Variants in AMPH observed in about 807,000 individuals in gnomAD.
AMPH encodes amphiphysin.
AMPH carries 49 observed loss-of-function variants against 99.1 expected under a neutral mutation model. That is an observed-to-expected ratio of 0.49 (90% confidence interval 0.39 to 0.63). AMPH has a LOEUF of 0.63. Ranked by LOEUF, AMPH falls within the 20% of genes least tolerant of loss-of-function variation. The pLI is 0.00. For missense variants in AMPH, 759 were observed against 863.4 expected (o/e 0.88, Z 1.52); for synonymous variants, 314 against 317.3 (o/e 0.99, Z 0.11).
At chr7:38,528,525 T>G (rs1263048762) in intron 2 of AMPH, among the ~76,000 whole-genome samples, 2 of 152,186 alleles carry the variant, frequency 1.3e-5, no homozygotes, top group African/African-American at 4.8e-5. Context: ...ATAAAGTTGC[T>G]TGTATTATTC....
intron 1 of AMPH, among the ~76,000 whole-genome samples, chr7:38,578,271 G>A (rs1021037331): frequency 1.3e-5 from 2 of 152,144 alleles, no homozygotes; most frequent in East Asian, 3.9e-4. Context: ...TCCCCAAACA[G>A]CAGGTGCTAA....
At chr7:38,629,631 C>T (rs1227669795) in intron 1 of AMPH, among the ~76,000 whole-genome samples, 1 of 152,176 alleles carries the variant, frequency 6.6e-6, no homozygotes, top group African/African-American at 2.4e-5. Context: ...GACCATATCA[C>T]TAAATTCCTT....
At chr7:38,402,044 G>A (rs989565665) in intron 17 of AMPH, among the ~76,000 whole-genome samples, 1 of 152,072 alleles carries the variant, frequency 6.6e-6, no homozygotes, top group African/African-American at 2.4e-5. Context: ...TCACTAAATC[G>A]ATTCTCTATA....
At chr7:38,506,953 C>T (rs1789350272) in intron 2 of AMPH, among the ~76,000 whole-genome samples, 1 of 152,146 alleles carries the variant, frequency 6.6e-6, no homozygotes, top group South Asian at 2.1e-4. Flanking sequence ...AGGATGTGTT[C>T]CCTCAGTTAT....
chr7:38,559,197 C>G (rs1412385437), intron 1 of AMPH, among the ~76,000 whole-genome samples: 1 of 152,210 alleles, frequency 6.6e-6, no homozygotes, highest in Non-Finnish European at 1.5e-5. Flanking sequence ...ACCCAGCAGG[C>G]CCACTACTGA....
intron 17 of AMPH, among the ~76,000 whole-genome samples, chr7:38,405,159 T>C (rs1299867999): frequency 2.6e-5 from 4 of 151,924 alleles, no homozygotes; most frequent in East Asian, 1.9e-4. Flanking sequence ...GACAAACAAA[T>C]GTTAAAAGAA....
At chr7:38,476,801 G>T in intron 6 of AMPH, 61 bp downstream of exon 6, 1 of 1,278,650 alleles carries the variant, frequency 7.8e-7, no homozygotes. Flanking sequence ...ATTTTAAAAA[G>T]TAAAGCTGCA....
intron 1 of AMPH, among the ~76,000 whole-genome samples, chr7:38,606,143 T>A (rs925494794): frequency 6.6e-5 from 10 of 152,186 alleles, no homozygotes; most frequent in African/African-American, 1.9e-4. Flanking sequence ...CCAGTCCCCA[T>A]GCTTTAGGTT....
chr7:38,500,994 A>G lies in AMPH; in HGVS notation c.205+2656T>C, dbSNP rs193183021. On this transcript the variant is annotated intron_variant, in intron 3 of 20. Transcript: ENST00000356264. Reference sequence around the variant, plus strand: ...GAAAAAGTAATAGTAGTAGGTTGCCATTATTCCATTGTATAGATGAACTCT... The same window carrying G: ...GAAAAAGTAATAGTAGTAGGTTGCCGTTATTCCATTGTATAGATGAACTCT... Among the ~76,000 whole-genome samples the G allele has an allele frequency of 1.9e-4, 29 of 152,326 alleles. No individual in the cohort carries two copies. In the East Asian group the frequency reaches 5.0e-3, roughly 26 times the overall value.
At chr7:38,525,443 TGC>T (rs1790146097) in intron 2 of AMPH, among the ~76,000 whole-genome samples, 1 of 130,838 alleles carries the variant, frequency 7.6e-6, no homozygotes, top group African/African-American at 3.1e-5. Flanking sequence ...TACTCATTTG[TGC>T]GTGTGTGTGT....
chr7:38,455,081 CT>C (rs558916967), intron 11 of AMPH, among the ~76,000 whole-genome samples: 82 of 145,960 alleles, frequency 5.6e-4, no homozygotes, highest in Middle Eastern at 3.5e-3. Flanking sequence ...TATTAAAATT[CT>C]TTTTTTTTTT....
intron 11 of AMPH, among the ~76,000 whole-genome samples, chr7:38,438,185 C>A (rs1786364422): frequency 6.6e-6 from 1 of 152,192 alleles, no homozygotes; most frequent in South Asian, 2.1e-4. Flanking sequence ...ATGAACATTA[C>A]CTCATGTTAA....
At chr7:38,391,479 A>G (rs914681370) in intron 19 of AMPH, among the ~76,000 whole-genome samples, 1 of 152,144 alleles carries the variant, frequency 6.6e-6, no homozygotes, top group Non-Finnish European at 1.5e-5. Flanking sequence ...GGGAGTAGAG[A>G]GGAGGGAGGG....
At chr7:38,558,366 T>C (rs1426496762) in intron 1 of AMPH, among the ~76,000 whole-genome samples, 1 of 152,158 alleles carries the variant, frequency 6.6e-6, no homozygotes, top group African/African-American at 2.4e-5. Context: ...CCAAAATCCA[T>C]TGCTTGGGAT....
intron 1 of AMPH, among the ~76,000 whole-genome samples, chr7:38,561,804 C>T (rs1791559170): frequency 1.3e-5 from 2 of 152,064 alleles, no homozygotes; most frequent in Admixed American, 1.3e-4. Context: ...GAGGAACAGA[C>T]ACCAGCGTTT....
intron 15 of AMPH, among the ~76,000 whole-genome samples, chr7:38,424,207 G>A (rs1466758827): frequency 6.6e-6 from 1 of 152,188 alleles, no homozygotes; most frequent in Non-Finnish European, 1.5e-5. Flanking sequence ...CACAGTCAAT[G>A]AACTCTATCT....
chr7:38,455,380 T>G (rs1482280580), intron 11 of AMPH, among the ~76,000 whole-genome samples: 2 of 152,162 alleles, frequency 1.3e-5, no homozygotes, highest in Non-Finnish European at 2.9e-5. Flanking sequence ...CTACAATTCT[T>G]TATTCTGGGA....
chr7:38,586,858 G>A (rs1562845785), intron 1 of AMPH, among the ~76,000 whole-genome samples: 1 of 152,216 alleles, frequency 6.6e-6, no homozygotes, highest in Non-Finnish European at 1.5e-5. Flanking sequence ...TCAACTTGCA[G>A]ATGAAGAAAC....
In AMPH at chr7:38,589,862, G is replaced by T. The variant is rs536995087; in HGVS notation, c.69+41421C>A. Among the ~76,000 whole-genome samples the T allele has an allele frequency of 3.9e-5, 6 of 152,286 alleles. No individual in the cohort carries two copies. The South Asian group carries it at 1.0e-3, about 26-fold the overall frequency. The stretch of plus-strand genomic sequence containing the variant: ...TTGCAAATGTTGGACCTCCTCATAG[G>T]CAAGATTTTAGAGATCACTTAAAAC... On this transcript the variant is annotated intron_variant, in intron 1 of 20. Coordinates refer to ENST00000356264, the MANE Select transcript of AMPH (RefSeq NM_001635.4).
Sources: gnomAD v4.1 joint callset for allele counts (sites outside exome capture counted in the v4.1 genomes callset) on GRCh38, gnomAD v4.1.1 for gene constraint, MANE v1.5 for transcripts, NCBI Gene and HGNC (gene_info 2026-07-23, HGNC 2026-07-21) for gene names.